The following ERC1 variants were observed in gnomAD, a reference collection of about 807,000 sequenced individuals.
The protein encoded by ERC1 is ELKS/RAB6-interacting/CAST family member 1, also known as RAB6 interacting protein 2.
Under a neutral mutation model 132.0 loss-of-function variants are expected in ERC1, and 56 were observed. The ratio of observed to expected loss-of-function variants is 0.42; its 90% CI spans 0.34 to 0.53. ERC1 has a LOEUF of 0.53. Among genes scored for constraint, ERC1 ranks in the 20% least tolerant of loss-of-function variants. The pLI is 0.03. For missense variants in ERC1, 1,202 were observed against 1,349.9 expected, an observed-to-expected ratio of 0.89 and a Z score of 1.72; for synonymous variants, 478 against 476.1, an observed-to-expected ratio of 1.00 and a Z score of -0.05.
At chr12:1,287,410 C>G (rs2154338967) in intron 14 of ERC1, among the ~76,000 whole-genome samples, 1 of 152,286 alleles carries the variant, frequency 6.6e-6, no homozygotes, top group South Asian at 2.1e-4. Context: ...TGCCCGGATA[C>G]TTGCTCCGAC....
intron 14 of ERC1, among the ~76,000 whole-genome samples, chr12:1,267,469 T>A (rs2154328831): frequency 6.6e-6 from 1 of 152,346 alleles, no homozygotes; most frequent in East Asian, 1.9e-4. Flanking sequence ...TTTAAATATC[T>A]TCACTGGGCC....
At chr12:1,115,704 G>A in intron 6 of ERC1, 162 bp from the exon 7 acceptor site, 3 of 543,754 alleles carry the variant, frequency 5.5e-6, no homozygotes. Context: ...GCTCAGGGTT[G>A]GGGAGATCCA....
Position 996,644 on chromosome 12 carries a change from C to G in ERC1, c.-157+5322C>G, listed in dbSNP as rs2154128821. 2.0e-5 allele frequency among the ~76,000 whole-genome samples: 3 copies of G among 152,102 alleles called. 1 individual carries two copies. The highest frequency in any genetic ancestry group is 3.4e-3 in the Middle Eastern group (1 of 294). On this transcript the variant is annotated intron_variant, in intron 1 of 18. Transcript: ENST00000360905. ...GAACAAAATAGGCAACCTGGGAGTG[C>G]TAAGGAAAGGCACATGACTTCTTAT...
intron 14 of ERC1, among the ~76,000 whole-genome samples, chr12:1,285,293 T>G (rs930014379): frequency 1.3e-5 from 2 of 152,228 alleles, no homozygotes; most frequent in African/African-American, 4.8e-5. Flanking sequence ...GTTTTATATC[T>G]TCATAGGATA....
In ERC1 at chr12:1,411,142, C is replaced by G. The variant is rs563680451; in HGVS notation, c.3024+2895C>G. 2.0e-5 allele frequency among the ~76,000 whole-genome samples: 3 copies of G among 152,276 alleles called. No homozygotes were observed. In the East Asian group the frequency reaches 5.8e-4, roughly 29 times the overall value. ...CTGCAGTGTTCAACAGTTGCCAGGACACTGTCTAGATTCTCCTTTTCAGGA... is the reference window on the plus strand; with the variant it reads ...CTGCAGTGTTCAACAGTTGCCAGGAGACTGTCTAGATTCTCCTTTTCAGGA... On this transcript the variant is annotated intron_variant, in intron 17 of 18. Transcript: ENST00000360905.
chr12:1,369,890 C>T lies in ERC1; in HGVS notation c.2781-1943C>T, dbSNP rs79333167. ...ATGATGTAAACCGAGTACACATCTT[C>T]TATTTGTTAGTATTGCTTTCAGAGT... On this transcript the variant is annotated intron_variant, in intron 15 of 18. Transcript: ENST00000360905. Among the ~76,000 whole-genome samples, 517 of 152,272 alleles carry T rather than the reference C, an allele frequency of 3.4e-3. 1 individual carries two copies. The highest frequency in any genetic ancestry group is 0.012 in the African/African-American group (489 of 41,562).
At chr12:1,180,013 G>A (rs1232582175) in intron 8 of ERC1, among the ~76,000 whole-genome samples, 4 of 152,154 alleles carry the variant, frequency 2.6e-5, no homozygotes, top group Non-Finnish European at 5.9e-5. Flanking sequence ...ATAAAAGATG[G>A]TGTAAAACTA....
chr12:1,481,773 G>A (rs1282611881), intron 18 of ERC1, among the ~76,000 whole-genome samples: 1 of 151,246 alleles, frequency 6.6e-6, no homozygotes, highest in Non-Finnish European at 1.5e-5. Context: ...TCTGCCTCTG[G>A]TTTTTTTTTC....
intron 7 of ERC1, among the ~76,000 whole-genome samples, chr12:1,130,967 T>A (rs979959051): frequency 2.0e-5 from 3 of 152,186 alleles, no homozygotes; most frequent in African/African-American, 7.2e-5. Flanking sequence ...GAGTTTAAAT[T>A]CAGTTATTTA....
At chr12:1,244,534 GTTT>G (rs869026438) in intron 13 of ERC1, 1 of 445,552 alleles carries the variant, frequency 2.2e-6, no homozygotes, top group East Asian at 7.2e-5. Flanking sequence ...TTGTTTGTTT[GTTT>G]TTAAGACAGG....
At chr12:1,141,095 GTAAC>G (rs1949820828) in intron 7 of ERC1, among the ~76,000 whole-genome samples, 1 of 152,110 alleles carries the variant, frequency 6.6e-6, no homozygotes, top group Admixed American at 6.5e-5. Flanking sequence ...AGGGATAAAG[GTAAC>G]TAGTTACCAA....
At chr12:1,017,446 C>G (rs975146214) in intron 1 of ERC1, among the ~76,000 whole-genome samples, 5 of 150,904 alleles carry the variant, frequency 3.3e-5, no homozygotes, top group African/African-American at 4.9e-5. Flanking sequence ...GGAAATTTCT[C>G]TAAATGTAAA....
intron 3 of ERC1, among the ~76,000 whole-genome samples, chr12:1,092,324 A>C (rs923231252): frequency 6.6e-6 from 1 of 152,180 alleles, no homozygotes; most frequent in Non-Finnish European, 1.5e-5. Context: ...AAAAGTCACA[A>C]CTTTCCCTGT....
intron 17 of ERC1, among the ~76,000 whole-genome samples, chr12:1,424,867 T>C: frequency 9.2e-6 from 1 of 109,220 alleles, no homozygotes. Flanking sequence ...GATAGATCGA[T>C]AGATAGATAG....
intron 16 of ERC1, among the ~76,000 whole-genome samples, chr12:1,406,300 A>G (rs2091484835): frequency 6.7e-6 from 1 of 150,334 alleles, no homozygotes; most frequent in Admixed American, 6.6e-5. Flanking sequence ...CAGACATATT[A>G]CATATCTCTG....
At chr12:1,004,742 A>C (rs1489977445) in intron 1 of ERC1, among the ~76,000 whole-genome samples, 1 of 150,642 alleles carries the variant, frequency 6.6e-6, no homozygotes, top group Non-Finnish European at 1.5e-5. Flanking sequence ...CCTTTGAAAG[A>C]TTTTACTTAC....
At chr12:1,143,137 C>G (rs937193080) in intron 8 of ERC1, among the ~76,000 whole-genome samples, 1 of 152,152 alleles carries the variant, frequency 6.6e-6, no homozygotes, top group African/African-American at 2.4e-5. Context: ...TCCATGGCCT[C>G]AAGCGAGCCA....
At chr12:1,456,628 T>G (rs2093542303) in intron 18 of ERC1, among the ~76,000 whole-genome samples, 1 of 152,082 alleles carries the variant, frequency 6.6e-6, no homozygotes, top group Non-Finnish European at 1.5e-5. Flanking sequence ...GTTTTTTACT[T>G]CTTTTGAATT....
chr12:1,234,108 G>A (rs1448136107), intron 12 of ERC1, among the ~76,000 whole-genome samples: 11 of 152,118 alleles, frequency 7.2e-5, no homozygotes, highest in Non-Finnish European at 1.3e-4. Context: ...TTTTATGGAG[G>A]AAAATATAAT....
Sources: allele counts gnomAD v4.1 joint callset (sites outside exome capture counted in the v4.1 genomes callset), GRCh38; gene constraint gnomAD v4.1.1; transcripts MANE v1.5; gene names NCBI Gene and HGNC (gene_info 2026-07-23, HGNC 2026-07-21).